Variants in MBTPS1 observed in about 807,000 individuals in gnomAD.
MBTPS1 encodes membrane-bound transcription factor site-1 protease.
In MBTPS1, 94 loss-of-function variants were observed where a neutral mutation model predicts 127.8. The ratio of observed to expected loss-of-function variants is 0.74; its 90% CI spans 0.62 to 0.87. The LOEUF (loss-of-function observed/expected upper bound fraction) is 0.87. MBTPS1 is among the 40% of genes least tolerant of loss of function. MBTPS1 has a pLI of 0.00. For missense variants in MBTPS1, 1,636 were observed against 1,353.2 expected (o/e 1.21, Z -3.28); for synonymous variants, 632 against 509.4 (o/e 1.24, Z -3.24).
At chr16:84,094,248 C>T (rs1003443382) in intron 4 of MBTPS1, among the ~76,000 whole-genome samples, 1 of 152,088 alleles carries the variant, frequency 6.6e-6, no homozygotes, top group East Asian at 1.9e-4. Context: ...AAACCACACA[C>T]CCAAGGAGCG....
In MBTPS1 at chr16:84,065,764, T is replaced by TA; in HGVS notation, c.2356dup (p.Tyr786LeufsTer38). ...CGCGATGCTGCACCCTGACGCATAA[T>TA]ACACTAGGAAAGAGTGTTCAAAGTC... On this transcript the variant is annotated frameshift_variant, in exon 18 of 23. Coordinates refer to ENST00000343411, the MANE Select transcript of MBTPS1 (RefSeq NM_003791.4). LOFTEE classifies it high-confidence loss of function. 1 of 1,595,546 alleles carries TA rather than the reference T, an allele frequency of 6.3e-7. No individual in the cohort carries two copies. The highest frequency in any genetic ancestry group is 8.5e-7 in the Non-Finnish European group (1 of 1,172,290).
In MBTPS1 at chr16:84,087,409, A is replaced by T. The variant is rs1465329208; in HGVS notation, c.1083T>A (p.Ile361=). 1.2e-6 allele frequency: 2 copies of T among 1,613,540 alleles called. No individual in the cohort carries two copies. The highest frequency in any genetic ancestry group is 3.3e-5 in the Admixed American group (2 of 59,976). The change falls in exon 9 of 23, where the codon ATT becomes ATA. Residue 361 remains isoleucine, a synonymous_variant. Coordinates refer to ENST00000343411, the MANE Select transcript of MBTPS1 (RefSeq NM_003791.4). ...AGCGGGCGATGTTATCTTCAAAGTC[A>T]ATGCCGCCTACTCCAATCACATCCA... is the stretch of plus-strand genomic sequence containing the variant. ...DQMDVIGVGG[I]DFEDNIARFS...
At chr16:84,113,418 T>G (rs557902396) in intron 1 of MBTPS1, among the ~76,000 whole-genome samples, 20 of 152,374 alleles carry the variant, frequency 1.3e-4, no homozygotes, top group African/African-American at 4.3e-4. Flanking sequence ...TTAAAAATTT[T>G]TGACATCAAG....
In MBTPS1 at chr16:84,067,710, T is replaced by G; in HGVS notation, c.2185A>C (p.Thr729Pro). The change falls in exon 16 of 23, where the codon ACT becomes CCT. Residue 729 changes from threonine (T) to proline (P), a missense_variant. Physicochemically the swap from Thr to Pro is conservative, Grantham distance 38. Transcript: ENST00000343411. ...AACTTCACTTTTCTCATAACAGAAG[T>G]GTTGTACCAGTCACTGAAGATGACG... ...SLVIFSDWYN[T>P]SVMRKVKFYD... The G allele has an allele frequency of 6.2e-7, 1 of 1,614,086 alleles. No individual in the cohort carries two copies. The highest frequency in any genetic ancestry group is 8.5e-7 in the Non-Finnish European group (1 of 1,179,932).
At position 84,069,886 on chromosome 16, in the gene MBTPS1, C is replaced by T. The variant is rs2085744845; in HGVS notation, c.1935G>A (p.Met645Ile). 6.2e-7 allele frequency: 1 copy of T among 1,613,988 alleles called. No individual in the cohort carries two copies. Among genetic ancestry groups the T allele is most frequent in the African/African-American group, 1.3e-5 (1 of 75,024 alleles). The change falls in exon 14 of 23, where the codon ATG becomes ATA. Residue 645 changes from methionine (M) to isoleucine (I), a missense_variant. Transcript: ENST00000343411. ...PGYFPRDNLR[M>I]KNDPLDWNGD... is the part of the protein sequence containing the mutation. ...CTTACCAGTCTAAAGGGTCATTCTT[C>T]ATCCTTAAATTATCCCTGGGGAAAT...
In MBTPS1 at chr16:84,101,688, C is replaced by T. The variant is rs754457874; in HGVS notation, c.96G>A (p.Lys32=). 6.2e-7 allele frequency: 1 copy of T among 1,614,142 alleles called. No homozygotes were observed. Among genetic ancestry groups the T allele is most frequent in the Non-Finnish European group, 8.5e-7 (1 of 1,180,012 alleles). Reference sequence around the variant, plus strand: ...GGTGGGAACAGCCAGGGCATGGGGCCTTTTCAAAAGATTTCTTTTCCAGTC... The same window carrying T: ...GGTGGGAACAGCCAGGGCATGGGGCTTTTTCAAAAGATTTCTTTTCCAGTC... ...GDRLEKKSFE[K]APCPGCSHLT... is the part of the protein sequence containing the mutation. Residue 32 remains lysine (K), a synonymous_variant, in exon 2 of 23, where the codon AAG becomes AAA. Transcript: ENST00000343411.
chr16:84,116,007 A>G (rs574466424), intron 1 of MBTPS1, among the ~76,000 whole-genome samples: 2 of 152,278 alleles, frequency 1.3e-5, no homozygotes, highest in South Asian at 2.1e-4. Flanking sequence ...TAGACATACA[A>G]TTGGAGACCT....
At chr16:84,097,834 C>G (rs2086197007) in intron 3 of MBTPS1, among the ~76,000 whole-genome samples, 1 of 108,658 alleles carries the variant, frequency 9.2e-6, no homozygotes, top group East Asian at 2.8e-4. Context: ...TTAAACTTCT[C>G]TTCGTGTGTG....
At chr16:84,093,058 G>A (rs907239976) in intron 6 of MBTPS1, 130 bp downstream of exon 6, 64 of 691,880 alleles carry the variant, frequency 9.3e-5, no homozygotes, top group Non-Finnish European at 1.4e-4. Flanking sequence ...CTGAGCATGC[G>A]TGCTGCAGTA....
At chr16:84,063,223 A>T in intron 19 of MBTPS1, 82 bp downstream of exon 19, 4 of 1,413,566 alleles carry the variant, frequency 2.8e-6, no homozygotes, top group Non-Finnish European at 3.0e-6. Flanking sequence ...ATCTGCCAGC[A>T]TCTCACGGGC....
Position 84,081,983 on chromosome 16 carries a change from C to T in MBTPS1, c.1287-75G>A, listed in dbSNP as rs562653034. 8 of 1,118,310 alleles carry T rather than the reference C, an allele frequency of 7.2e-6. No individual in the cohort carries two copies. In the African/African-American group the frequency reaches 1.3e-4, roughly 18 times the overall value. The allele number at this position is 1,118,310 out of a possible 1,614,324, so 69.3% of individuals were successfully genotyped here. ...AATTGGACCACTAAAACCTAACCTA[C>T]AAACGTGCACACAAGAGGCCTGCAG... On this transcript the variant is annotated intron_variant, in intron 10 of 22. Coordinates refer to ENST00000343411, the MANE Select transcript of MBTPS1 (RefSeq NM_003791.4).
chr16:84,093,761 T>G lies in MBTPS1; in HGVS notation c.686A>C (p.Lys229Thr), dbSNP rs1463031023. 1 of 1,614,192 alleles carries G rather than the reference T, an allele frequency of 6.2e-7. No individual in the cohort carries two copies. The highest frequency in any genetic ancestry group is 1.1e-5 in the South Asian group (1 of 91,078). The change falls in exon 5 of 23, where the codon AAA becomes ACA. Residue 229 changes from lysine (K) to threonine (T), a missense_variant. Physicochemically the swap from Lys to Thr is moderately conservative, Grantham distance 78. Transcript: ENST00000343411. ...CCAGTTGGTTCTCTCCTTCACATTT[T>G]TGAAGTGGGGATGCTTCTCGCTCAG... Reference protein sequence around the residue: ...TGLSEKHPHFKNVKERTNWTN... With the variant: ...TGLSEKHPHFTNVKERTNWTN...
At position 84,070,570 on chromosome 16, in the gene MBTPS1, T is replaced by C. The variant is rs1018114254; in HGVS notation, c.1782+18A>G. On this transcript the variant is annotated intron_variant, in intron 13 of 22. Transcript: ENST00000343411. ...TCAAACAGCTAAGAAAACAAGCCAC[T>C]TTCCCGCATATCCCTACCTCTGTCT... 1 of 1,608,500 alleles carries C rather than the reference T, an allele frequency of 6.2e-7. No individual in the cohort carries two copies. Among genetic ancestry groups the C allele is most frequent in the African/African-American group, 1.3e-5 (1 of 74,622 alleles).
intron 1 of MBTPS1, among the ~76,000 whole-genome samples, chr16:84,114,016 G>C (rs1352182136): frequency 6.7e-6 from 1 of 149,314 alleles, no homozygotes; most frequent in African/African-American, 2.5e-5. Context: ...CCAGGGTGGA[G>C]TGCAATGGCG....
intron 11 of MBTPS1, among the ~76,000 whole-genome samples, chr16:84,080,501 C>A (rs535070367): frequency 5.1e-4 from 78 of 152,372 alleles, no homozygotes; most frequent in African/African-American, 1.9e-3. Flanking sequence ...TCTGGCCCCA[C>A]AGGGCCAGCA....
Position 84,093,694 on chromosome 16 carries a change from C to G in MBTPS1, c.736+17G>C, listed in dbSNP as rs1304705716. 1.3e-6 allele frequency: 2 copies of G among 1,565,678 alleles called. No individual in the cohort carries two copies. Among genetic ancestry groups the G allele is most frequent in the South Asian group, 1.1e-5 (1 of 89,880 alleles). ...AGTCGATCACATGACCACGTTCTCA[C>G]TGCTGCTGAGACCCACCATCGTCCA... On this transcript the variant is annotated intron_variant, in intron 5 of 22. Coordinates refer to ENST00000343411, the MANE Select transcript of MBTPS1 (RefSeq NM_003791.4).
At chr16:84,106,880 G>A (rs1385934353) in intron 1 of MBTPS1, among the ~76,000 whole-genome samples, 1 of 152,186 alleles carries the variant, frequency 6.6e-6, no homozygotes, top group Non-Finnish European at 1.5e-5. Context: ...CAGATGGGCT[G>A]TCCACCAGAT....
intron 1 of MBTPS1, among the ~76,000 whole-genome samples, chr16:84,113,492 G>A (rs1448290090): frequency 6.6e-6 from 1 of 152,208 alleles, no homozygotes; most frequent in Non-Finnish European, 1.5e-5. Context: ...TGGGATTTGA[G>A]TAGAAGGGAG....
At position 84,090,910 on chromosome 16, in the gene MBTPS1, C is replaced by A. The variant is rs776110165; in HGVS notation, c.996G>T (p.Met332Ile). Residue 332 changes from methionine (M) to isoleucine (I), a missense_variant, in exon 8 of 23, where the codon ATG (methionine) becomes ATT (isoleucine). Transcript: ENST00000343411. ...GTCCGTCATTGCCAATAGCAGAAAC[C>A]ATGATTACATTGTTAGCTGTTAATT... ...VWELTANNVI[M>I]VSAIGNDGPL... 1.2e-4 allele frequency: 195 copies of A among 1,612,780 alleles called. No individual in the cohort carries two copies. Among genetic ancestry groups the A allele is most frequent in the Non-Finnish European group, 1.5e-4 (177 of 1,179,546 alleles).
Sources: allele counts gnomAD v4.1 joint callset (sites outside exome capture counted in the v4.1 genomes callset), GRCh38; gene constraint gnomAD v4.1.1; transcripts MANE v1.5; gene names NCBI Gene and HGNC (gene_info 2026-07-23, HGNC 2026-07-21).